LRBA: variants seen among roughly 807,000 people sequenced by gnomAD.
The protein encoded by LRBA is lipopolysaccharide-responsive and beige-like anchor protein.
Under a neutral mutation model 330.0 loss-of-function variants are expected in LRBA, and 176 were observed. That is an observed-to-expected ratio of 0.53 (90% confidence interval 0.47 to 0.60). The LOEUF is 0.60. LRBA is among the 20% of genes least tolerant of loss of function. The pLI, the probability that LRBA is intolerant of heterozygous loss-of-function variation, is 0.00. For synonymous variants in LRBA, 1,230 were observed against 1,193.0 expected, an observed-to-expected ratio of 1.03 and a Z score of -0.64; for missense variants, 3,259 against 3,444.8, an observed-to-expected ratio of 0.95 and a Z score of 1.35.
At chr4:150,723,048 A>C (rs866998525) in intron 36 of LRBA, among the ~76,000 whole-genome samples, 1 of 152,140 alleles carries the variant, frequency 6.6e-6, no homozygotes. Flanking sequence ...AGGGGACAGA[A>C]CATGAGTTTC....
At chr4:150,375,207 C>T (rs891754688) in intron 47 of LRBA, among the ~76,000 whole-genome samples, 18 of 152,052 alleles carry the variant, frequency 1.2e-4, no homozygotes. Context: ...AGGCAGGAAG[C>T]GGGAGCAAGA....
chr4:150,869,155 G>A (rs1469558958), intron 20 of LRBA, among the ~76,000 whole-genome samples: 2 of 151,718 alleles, frequency 1.3e-5, no homozygotes, highest in East Asian at 2.0e-4. Flanking sequence ...TCCTGACCTC[G>A]TGATCCACCT....
chr4:150,435,223 T>C (rs780639818), intron 46 of LRBA, among the ~76,000 whole-genome samples: 2 of 151,984 alleles, frequency 1.3e-5, no homozygotes, highest in Non-Finnish European at 2.9e-5. Flanking sequence ...TTGTGGCAGA[T>C]GCCTGTAATC....
chr4:150,932,814 G>A (rs1734655514), intron 2 of LRBA, among the ~76,000 whole-genome samples: 1 of 151,958 alleles, frequency 6.6e-6, no homozygotes, highest in South Asian at 2.1e-4. Context: ...TACTTGGGAG[G>A]CTGAGACACA....
chr4:150,813,937 C>T (rs543803055), intron 31 of LRBA, among the ~76,000 whole-genome samples: 3 of 152,096 alleles, frequency 2.0e-5, no homozygotes, highest in African/African-American at 4.8e-5. Context: ...TTTCACCTTA[C>T]AATGGTTTAT....
chr4:150,928,454 G>A, intron 4 of LRBA, 62 bp downstream of exon 4: 1 of 952,300 alleles, frequency 1.1e-6, no homozygotes, highest in East Asian at 2.4e-5. Context: ...TACTTTACAA[G>A]CTACGAATGT....
chr4:150,328,618 C>A (rs978120907), intron 48 of LRBA, among the ~76,000 whole-genome samples: 6 of 152,004 alleles, frequency 3.9e-5, no homozygotes, highest in African/African-American at 1.5e-4. Context: ...AAACTATACT[C>A]GTTAAGCCCT....
intron 46 of LRBA, among the ~76,000 whole-genome samples, chr4:150,434,637 C>T (rs1216108262): frequency 3.3e-5 from 5 of 151,950 alleles, no homozygotes; most frequent in South Asian, 2.1e-4. Flanking sequence ...AGGAAGATCG[C>T]GTAAGACAGT....
At chr4:150,836,362 T>G (rs1280445346) in intron 28 of LRBA, among the ~76,000 whole-genome samples, 2 of 152,194 alleles carry the variant, frequency 1.3e-5, no homozygotes, top group Non-Finnish European at 2.9e-5. Flanking sequence ...ATTGGAATAG[T>G]TTCAGAAGGA....
At chr4:150,777,085 T>TTGTTGC (rs1348563504) in intron 34 of LRBA, among the ~76,000 whole-genome samples, 10 of 150,790 alleles carry the variant, frequency 6.6e-5, no homozygotes, top group Non-Finnish European at 1.5e-4. Context: ...GTTGTTGTTG[T>TTGTTGC]TGTTGTTGTT....
At chr4:150,792,189 T>C (rs570513841) in intron 34 of LRBA, among the ~76,000 whole-genome samples, 1 of 147,810 alleles carries the variant, frequency 6.8e-6, no homozygotes, top group South Asian at 2.1e-4. Context: ...TAATACCGGA[T>C]AGTAAGTTTT....
At chr4:150,457,285 T>C (rs1348398689) in intron 44 of LRBA, among the ~76,000 whole-genome samples, 1 of 152,100 alleles carries the variant, frequency 6.6e-6, no homozygotes, top group Non-Finnish European at 1.5e-5. Context: ...ATTAGTCTTG[T>C]ATAAATGTTT....
chr4:150,422,526 C>T, intron 46 of LRBA: 1 of 407,442 alleles, frequency 2.5e-6, no homozygotes, highest in Non-Finnish European at 4.5e-6. Context: ...CATTATAATA[C>T]TGGCACTCCT....
chr4:150,852,883 C>A lies in LRBA; in HGVS notation c.2827G>T (p.Val943Phe), dbSNP rs1319860043. The part of the protein sequence containing the change: ...ANIFREQQGK[V>F]DEEIGLCSST... ...GAACACAGCCCTATTTCTTCATCAA[C>A]TTTTCCTTGCTGTTCCCTAAATATA... Residue 943 changes from valine (V) to phenylalanine (F), a missense_variant, in exon 23 of 57, where the codon GTT becomes TTT. Transcript: ENST00000651943. The A allele has an allele frequency of 6.2e-7, 1 of 1,609,356 alleles. No homozygotes were observed. The highest frequency in any genetic ancestry group is 1.7e-5 in the Admixed American group (1 of 59,200).
At chr4:150,402,234 G>C (rs905301546) in intron 47 of LRBA, among the ~76,000 whole-genome samples, 12 of 148,944 alleles carry the variant, frequency 8.1e-5, no homozygotes, top group African/African-American at 3.0e-4. Context: ...TTTTAGACGA[G>C]ATCAGGCACT....
At chr4:151,013,454 C>A (rs913869124) in intron 2 of LRBA, 4 of 152,110 alleles carry the variant, frequency 2.6e-5, no homozygotes, top group Non-Finnish European at 4.4e-5. Flanking sequence ...ATCGCCTGAA[C>A]CCAGGAATTC....
At chr4:150,412,155 C>A in intron 47 of LRBA, among the ~76,000 whole-genome samples, 1 of 152,060 alleles carries the variant, frequency 6.6e-6, no homozygotes, top group East Asian at 1.9e-4. Context: ...CAGATATATA[C>A]TCAACTCTAA....
At chr4:150,327,490 G>GC (rs1406099584) in intron 48 of LRBA, among the ~76,000 whole-genome samples, 1 of 152,114 alleles carries the variant, frequency 6.6e-6, no homozygotes, top group Non-Finnish European at 1.5e-5. Flanking sequence ...TGTGGTTCCT[G>GC]CCCGGCAGCC....
At chr4:150,603,126 A>G (rs1273471627) in intron 37 of LRBA, among the ~76,000 whole-genome samples, 1 of 152,216 alleles carries the variant, frequency 6.6e-6, no homozygotes, top group African/African-American at 2.4e-5. Flanking sequence ...TTTCCTTCAG[A>G]AGACATAAGC....
Sources: allele counts gnomAD v4.1 joint callset (sites outside exome capture counted in the v4.1 genomes callset), GRCh38; gene constraint gnomAD v4.1.1; transcripts MANE v1.5; gene names NCBI Gene and HGNC (gene_info 2026-07-23, HGNC 2026-07-21).